CSAD: variants seen among roughly 807,000 people sequenced by gnomAD.
The protein encoded by CSAD is P-selectin cytoplasmic tail-associated protein.
In CSAD, 47 loss-of-function variants were observed where a neutral mutation model predicts 61.5. That is an observed-to-expected ratio of 0.76 (90% CI 0.60 to 0.97). The LOEUF (loss-of-function observed/expected upper bound fraction) is 0.97. Among genes scored for constraint, CSAD ranks in the 50% least tolerant of loss-of-function variants. The pLI, the probability that CSAD is intolerant of heterozygous loss-of-function variation, is 0.00. For missense variants in CSAD, 611 were observed against 643.6 expected (o/e 0.95, Z 0.55); for synonymous variants, 245 against 252.7 (o/e 0.97, Z 0.29).
chr12:53,168,007 A>C (rs1243299658), intron 10 of CSAD, among the ~76,000 whole-genome samples: 2 of 152,254 alleles, frequency 1.3e-5, no homozygotes, highest in Non-Finnish European at 2.9e-5. Context: ...TGGATAAATA[A>C]ATGTGGTATA....
intron 1 of CSAD, among the ~76,000 whole-genome samples, 170 bp from the exon 2 acceptor site, chr12:53,179,312 A>G (rs1177601538): frequency 6.6e-6 from 1 of 152,230 alleles, no homozygotes; most frequent in Admixed American, 6.5e-5. Flanking sequence ...TCTAAAATAC[A>G]CTGTATGGCG....
Position 53,171,347 on chromosome 12 carries a change from C to G in CSAD, c.546G>C (p.Leu182=). The G allele has an allele frequency of 1.2e-6, 2 of 1,614,080 alleles. No homozygotes were observed. The highest frequency in any genetic ancestry group is 2.2e-5 in the South Asian group (2 of 91,090). The change falls in exon 8 of 17, where the codon CTG becomes CTC. Residue 182 remains leucine, a synonymous_variant. Coordinates refer to ENST00000444623, the MANE Select transcript of CSAD (RefSeq NM_001244705.2). ...KQRGLRTLPP[L]ALFTSKECHY... ...CCACCTCCTTCGATGTGAATAGGGC[C>G]AGGGGCGGCAGTGTGCGGAGGCCCC...
At chr12:53,159,388 T>C (rs770431987) in intron 16 of CSAD, among the ~76,000 whole-genome samples, 2 of 152,216 alleles carry the variant, frequency 1.3e-5, no homozygotes, top group Non-Finnish European at 2.9e-5. Context: ...CAAGGCTCTG[T>C]GTACTACACA....
chr12:53,172,034 GC>G, intron 6 of CSAD, 46 bp from the exon 7 acceptor site: 1 of 1,344,390 alleles, frequency 7.4e-7, no homozygotes, highest in Non-Finnish European at 1.1e-6. Flanking sequence ...GGGAGGGACT[GC>G]CCAGACAGGC....
At chr12:53,173,006 G>T (rs7139122) in intron 4 of CSAD, among the ~76,000 whole-genome samples, 21 of 152,114 alleles carry the variant, frequency 1.4e-4, no homozygotes, top group African/African-American at 5.1e-4. Context: ...TCAGGAGTTC[G>T]AGAGCAGCCT....
At chr12:53,179,785 T>C in intron 1 of CSAD, 2 of 1,612,830 alleles carry the variant, frequency 1.2e-6, no homozygotes, top group Non-Finnish European at 1.7e-6. Flanking sequence ...ACAGCAGAAA[T>C]GAGGACTTCA....
rs968163876 is a variant in CSAD, at chr12:53,179,711, TAC to T, written c.-90-571_-90-570del. The T allele has an allele frequency of 4.9e-5, 65 of 1,313,146 alleles. 1 individual carries two copies. In the Middle Eastern group the frequency reaches 1.7e-3, roughly 34 times the overall value. The allele number at this position is 1,313,146 out of a possible 1,614,324, so 81.3% of individuals were successfully genotyped here. A position where few individuals can be genotyped will look rare whatever the true frequency, so the allele number is the denominator to read the frequency against. ...GAGAATCCTTGTCTTTTTTTCATCA[TAC>T]AGTTTTTTTTTTCTTTTGGTATCAC... On this transcript the variant is annotated intron_variant, in intron 1 of 16. Transcript: ENST00000444623.
Position 53,159,603 on chromosome 12 carries a change from G to A in CSAD, c.1308+20C>T, listed in dbSNP as rs201803491. 4.2e-5 allele frequency: 67 copies of A among 1,601,094 alleles called. No homozygotes were observed. In the African/African-American group the frequency reaches 8.7e-4, roughly 21 times the overall value. The stretch of plus-strand genomic sequence containing the variant: ...GCATCAGCTCCCTAACGGGTAAAGA[G>A]AGCAGCACAGCACGCCTACCTTTGA... On this transcript the variant is annotated intron_variant, in intron 16 of 16. Coordinates refer to ENST00000444623, the MANE Select transcript of CSAD (RefSeq NM_001244705.2).
chr12:53,177,526 A>G (rs1048047997), intron 2 of CSAD, among the ~76,000 whole-genome samples: 1 of 152,248 alleles, frequency 6.6e-6, no homozygotes, highest in Non-Finnish European at 1.5e-5. Context: ...TCAAAGAGCA[A>G]TAAAATAGTC....
At chr12:53,173,606 A>G (rs777197072) in intron 3 of CSAD, 122 bp downstream of exon 3, 10 of 1,546,918 alleles carry the variant, frequency 6.5e-6, no homozygotes, top group Non-Finnish European at 8.9e-6. Context: ...CAGTGCACAG[A>G]CAAGGGCAAG....
intron 10 of CSAD, among the ~76,000 whole-genome samples, chr12:53,161,905 A>T (rs1285267573): frequency 1.3e-5 from 2 of 152,092 alleles, no homozygotes; most frequent in Non-Finnish European, 2.9e-5. Flanking sequence ...GGTTACAATG[A>T]GCTATGATTT....
chr12:53,171,620 C>T lies in CSAD; in HGVS notation c.452-179G>A, dbSNP rs1452029964. On this transcript the variant is annotated intron_variant, in intron 7 of 16. Coordinates refer to ENST00000444623, the MANE Select transcript of CSAD (RefSeq NM_001244705.2). The stretch of plus-strand genomic sequence containing the variant: ...ATCCAGGATCAGCAGATCCTCTTGA[C>T]CACACCTCTCCACATCTGGGGCTGC... 20 of 651,208 alleles carry T rather than the reference C, an allele frequency of 3.1e-5. No homozygotes were observed. The East Asian group carries it at 5.4e-4, about 18-fold the overall frequency. 40.3% of individuals were successfully genotyped at this position (651,208 alleles called of 1,614,324 possible). A position where few individuals can be genotyped will look rare whatever the true frequency, so the allele number is the denominator to read the frequency against.
At chr12:53,163,326 C>G (rs966440901) in intron 10 of CSAD, among the ~76,000 whole-genome samples, 3 of 152,034 alleles carry the variant, frequency 2.0e-5, no homozygotes, top group African/African-American at 7.3e-5. Flanking sequence ...GAGCCCTGAT[C>G]GTGCCACTGC....
intron 10 of CSAD, among the ~76,000 whole-genome samples, chr12:53,167,953 G>C (rs973339226): frequency 6.6e-6 from 1 of 152,288 alleles, no homozygotes; most frequent in South Asian, 2.1e-4. Context: ...TTATGCATAA[G>C]AGCCCCAAAG....
chr12:53,171,931 T>C lies in CSAD; in HGVS notation c.402A>G (p.Lys134=). ...AGCTCCAGCCCACCAGGGCCCGCAG[T>C]TTCCTCAGCACCTCCTCTTCCATGA... ...FVLMEEEVLR[K]LRALVGWSSG... Residue 134 remains lysine, a synonymous_variant, in exon 7 of 17, where the codon AAA becomes AAG. Coordinates refer to ENST00000444623, the MANE Select transcript of CSAD (RefSeq NM_001244705.2). 6.2e-7 allele frequency: 1 copy of C among 1,613,710 alleles called. No homozygotes were observed. The highest frequency in any genetic ancestry group is 8.5e-7 in the Non-Finnish European group (1 of 1,179,874).
intron 10 of CSAD, among the ~76,000 whole-genome samples, chr12:53,165,002 C>G (rs1031502592): frequency 2.0e-5 from 3 of 152,178 alleles, no homozygotes; most frequent in Non-Finnish European, 2.9e-5. Context: ...CCACCTCACA[C>G]CTATTAGGAT....
chr12:53,167,900 G>A (rs569946870), intron 10 of CSAD, among the ~76,000 whole-genome samples: 5 of 152,260 alleles, frequency 3.3e-5, no homozygotes, highest in South Asian at 2.1e-4. Flanking sequence ...AAATGAAAAC[G>A]TATTTTCACA....
At chr12:53,168,434 A>G (rs972922754) in intron 10 of CSAD, among the ~76,000 whole-genome samples, 1 of 152,222 alleles carries the variant, frequency 6.6e-6, no homozygotes, top group African/African-American at 2.4e-5. Context: ...TATAATAAAA[A>G]GAGAAACATC....
chr12:53,174,118 C>CA (rs1326039361), intron 2 of CSAD, among the ~76,000 whole-genome samples: 2 of 151,892 alleles, frequency 1.3e-5, no homozygotes, highest in African/African-American at 4.8e-5. Flanking sequence ...TCCTGGCTAA[C>CA]ACGGTGAAAC....
Sources: allele counts gnomAD v4.1 joint callset (sites outside exome capture counted in the v4.1 genomes callset), GRCh38; gene constraint gnomAD v4.1.1; transcripts MANE v1.5; gene names NCBI Gene and HGNC (gene_info 2026-07-23, HGNC 2026-07-21).